CSMD1: variants seen among roughly 807,000 people sequenced by gnomAD.
The protein encoded by CSMD1 is CUB and Sushi multiple domains 1.
A neutral mutation model predicts 417.5 loss-of-function variants in CSMD1; 213 were observed. The observed-to-expected ratio is 0.51, with a 90% confidence interval of 0.46 to 0.57. The LOEUF is 0.57. Among genes scored for constraint, CSMD1 ranks in the 20% least tolerant of loss-of-function variants. The pLI is 0.00. For missense variants in CSMD1, 6,923 were observed against 4,529.7 expected (o/e 1.53, Z -15.17); for synonymous variants, 2,862 against 1,736.8 (o/e 1.65, Z -16.11).
intron 1 of CSMD1, among the ~76,000 whole-genome samples, chr8:4,690,968 C>A (rs1030044910): frequency 6.6e-6 from 1 of 152,282 alleles, no homozygotes; most frequent in Non-Finnish European, 1.5e-5. Flanking sequence ...AGCTCATGAT[C>A]TGCCTGCCGT....
At chr8:3,854,556 C>G (rs1288196496) in intron 5 of CSMD1, among the ~76,000 whole-genome samples, 1 of 152,006 alleles carries the variant, frequency 6.6e-6, no homozygotes, top group African/African-American at 2.4e-5. Flanking sequence ...TTTCTGCTTA[C>G]TTAGCTTTTC....
intron 32 of CSMD1, among the ~76,000 whole-genome samples, chr8:3,200,233 G>A (rs1038629664): frequency 1.3e-5 from 2 of 151,736 alleles, no homozygotes; most frequent in Non-Finnish European, 2.9e-5. Flanking sequence ...TTCAGAAAAG[G>A]CCTTCTGAAG....
intron 2 of CSMD1, among the ~76,000 whole-genome samples, chr8:4,553,092 T>G (rs1797941533): frequency 6.6e-6 from 1 of 152,208 alleles, no homozygotes; most frequent in South Asian, 2.1e-4. Context: ...ACCAATTACT[T>G]CTTTCAAAGA....
chr8:4,121,764 A>G (rs979039190), intron 3 of CSMD1, among the ~76,000 whole-genome samples: 2 of 152,244 alleles, frequency 1.3e-5, no homozygotes, highest in South Asian at 4.1e-4. Flanking sequence ...TTTGCACAAA[A>G]TTACAAAGGT....
chr8:3,780,409 A>T (rs1342686441), intron 5 of CSMD1, among the ~76,000 whole-genome samples: 2 of 152,206 alleles, frequency 1.3e-5, no homozygotes, highest in Admixed American at 6.5e-5. Context: ...TTCAGCACAC[A>T]TTATCAACAC....
At chr8:4,637,036 T>C (rs901285051) in intron 2 of CSMD1, among the ~76,000 whole-genome samples, 1 of 152,068 alleles carries the variant, frequency 6.6e-6, no homozygotes, top group African/African-American at 2.4e-5. Context: ...AAATGGAACA[T>C]GGGAGGGGAC....
intron 2 of CSMD1, among the ~76,000 whole-genome samples, chr8:4,578,292 A>AGTAGCTG (rs1029080172): frequency 7.3e-5 from 10 of 137,674 alleles, no homozygotes; most frequent in African/African-American, 2.7e-4. Flanking sequence ...TCCCGAGTAG[A>AGTAGCTG]GTAGCTGGGA....
At chr8:3,314,327 T>A (rs1245588841) in intron 23 of CSMD1, among the ~76,000 whole-genome samples, 1 of 152,198 alleles carries the variant, frequency 6.6e-6, no homozygotes, top group South Asian at 2.1e-4. Flanking sequence ...ATAGAGATAT[T>A]TCCATTTTAA....
At chr8:4,711,386 T>C (rs1369593021) in intron 1 of CSMD1, among the ~76,000 whole-genome samples, 1 of 152,198 alleles carries the variant, frequency 6.6e-6, no homozygotes, top group East Asian at 1.9e-4. Flanking sequence ...TTAAATTGCA[T>C]AGTTTTCGTA....
At chr8:4,356,718 G>A (rs1490582847) in intron 3 of CSMD1, among the ~76,000 whole-genome samples, 2 of 152,082 alleles carry the variant, frequency 1.3e-5, no homozygotes, top group East Asian at 1.9e-4. Flanking sequence ...GCTCTCCAAT[G>A]GAGAGGTACA....
intron 18 of CSMD1, among the ~76,000 whole-genome samples, chr8:3,380,962 T>C (rs181456247): frequency 4.6e-5 from 7 of 152,024 alleles, no homozygotes; most frequent in African/African-American, 1.5e-4. Context: ...AAAGAAGAAT[T>C]TGGGGATGGT....
At chr8:3,116,927 A>G (rs1179161114) in intron 42 of CSMD1, among the ~76,000 whole-genome samples, 11 of 152,136 alleles carry the variant, frequency 7.2e-5, no homozygotes. Flanking sequence ...GTTTTAATGA[A>G]AAACAGCCCA....
chr8:3,836,365 T>G (rs1055990165), intron 5 of CSMD1, among the ~76,000 whole-genome samples: 1 of 152,160 alleles, frequency 6.6e-6, no homozygotes, highest in African/African-American at 2.4e-5. Flanking sequence ...TATATCCTTG[T>G]GGGAATCCCA....
intron 12 of CSMD1, among the ~76,000 whole-genome samples, chr8:3,419,270 T>C (rs1345045639): frequency 6.6e-6 from 1 of 152,216 alleles, no homozygotes; most frequent in Non-Finnish European, 1.5e-5. Flanking sequence ...CAGATGCTCC[T>C]GGTTGATTCT....
intron 1 of CSMD1, among the ~76,000 whole-genome samples, chr8:4,732,762 T>G (rs1809985957): frequency 6.6e-6 from 1 of 152,158 alleles, no homozygotes; most frequent in Admixed American, 6.5e-5. Context: ...AGCAGGCATT[T>G]TATAGCTCTA....
intron 10 of CSMD1, among the ~76,000 whole-genome samples, chr8:3,543,264 T>G (rs554538449): frequency 1.6e-4 from 25 of 152,350 alleles, no homozygotes; most frequent in Non-Finnish European, 1.6e-4. Context: ...AGGTGAGGCA[T>G]GTTTTACAGA....
At chr8:4,231,216 T>A (rs913845574) in intron 3 of CSMD1, among the ~76,000 whole-genome samples, 1 of 152,206 alleles carries the variant, frequency 6.6e-6, no homozygotes, top group Non-Finnish European at 1.5e-5. Context: ...AAAGGCATTG[T>A]CTTATCCCTC....
At chr8:3,558,338 T>A (rs1359985140) in intron 10 of CSMD1, among the ~76,000 whole-genome samples, 2 of 122,086 alleles carry the variant, frequency 1.6e-5, no homozygotes, top group Admixed American at 9.4e-5. Context: ...GCCTCAGTAG[T>A]ACCCCGTGTC....
At chr8:3,709,850 CGTGTGT>C (rs141111663) in intron 6 of CSMD1, among the ~76,000 whole-genome samples, 1 of 147,264 alleles carries the variant, frequency 6.8e-6, no homozygotes, top group Non-Finnish European at 1.5e-5. Flanking sequence ...TGTGTGTGTA[CGTGTGT>C]GTGTGTGTGT....
Sources: gnomAD v4.1 joint callset for allele counts (sites outside exome capture counted in the v4.1 genomes callset) on GRCh38, gnomAD v4.1.1 for gene constraint, MANE v1.5 for transcripts, NCBI Gene and HGNC (gene_info 2026-07-23, HGNC 2026-07-21) for gene names.